TCF12: variants seen among roughly 807,000 people sequenced by gnomAD.
TCF12 encodes transcription factor 12.
Under a neutral mutation model 86.0 loss-of-function variants are expected in TCF12, and 45 were observed. The observed-to-expected ratio is 0.52, with a 90% CI of 0.41 to 0.67. TCF12 has a LOEUF of 0.67. Ranked by LOEUF, TCF12 falls within the 30% of genes least tolerant of loss-of-function variation. The pLI is 0.00. For missense variants in TCF12, 881 were observed against 859.9 expected (o/e 1.02, Z -0.31); for synonymous variants, 330 against 299.6 (o/e 1.10, Z -1.05).
chr15:57,075,320 A>C (rs1247454494), intron 4 of TCF12, among the ~76,000 whole-genome samples: 2 of 151,924 alleles, frequency 1.3e-5, no homozygotes, highest in African/African-American at 2.4e-5. Context: ...TTTCTTCCCT[A>C]CTTCGAGTTT....
chr15:57,135,574 T>G (rs1240389656), intron 5 of TCF12, among the ~76,000 whole-genome samples: 1 of 152,218 alleles, frequency 6.6e-6, no homozygotes, highest in Non-Finnish European at 1.5e-5. Context: ...ATTATTTTAG[T>G]AATGCTTATT....
intron 3 of TCF12, among the ~76,000 whole-genome samples, chr15:57,011,819 C>A (rs774084411): frequency 6.6e-6 from 1 of 152,232 alleles, no homozygotes; most frequent in African/African-American, 2.4e-5. Context: ...AGTCTGTGGG[C>A]AGACTTTCCA....
intron 8 of TCF12, among the ~76,000 whole-genome samples, chr15:57,198,871 G>A (rs1168715428): frequency 6.6e-6 from 1 of 152,184 alleles, no homozygotes; most frequent in African/African-American, 2.4e-5. Context: ...ATGGGTCTGA[G>A]CTTTTTAGTT....
At chr15:57,092,086 AT>A (rs2049027884) in intron 5 of TCF12, 195 bp downstream of exon 5, 1 of 437,538 alleles carries the variant, frequency 2.3e-6, no homozygotes, top group Non-Finnish European at 4.1e-6. Context: ...CTCTTAAAGC[AT>A]TATTGTTTTG....
At chr15:57,247,504 T>C in intron 13 of TCF12, 1 of 820,394 alleles carries the variant, frequency 1.2e-6, no homozygotes, top group South Asian at 1.3e-5. Context: ...GAACAACAAT[T>C]TTATCAACTG....
At chr15:57,264,260 G>C (rs1465310273) in intron 18 of TCF12, among the ~76,000 whole-genome samples, 1 of 112,222 alleles carries the variant, frequency 8.9e-6, no homozygotes, top group African/African-American at 3.4e-5. Context: ...GAATGCAGTG[G>C]CATCATCTCG....
intron 5 of TCF12, among the ~76,000 whole-genome samples, chr15:57,158,146 A>G (rs987452161): frequency 6.6e-6 from 1 of 151,474 alleles, no homozygotes; most frequent in Admixed American, 6.6e-5. Context: ...TTTGCATCCT[A>G]GAATACTTCA....
At chr15:57,099,363 T>A (rs1349589666) in intron 5 of TCF12, among the ~76,000 whole-genome samples, 1 of 152,172 alleles carries the variant, frequency 6.6e-6, no homozygotes, top group Non-Finnish European at 1.5e-5. Context: ...AGATCCCTCT[T>A]ATCTATGGGT....
At chr15:57,152,856 CCACA>C (rs137874145) in intron 5 of TCF12, among the ~76,000 whole-genome samples, 1 of 150,118 alleles carries the variant, frequency 6.7e-6, no homozygotes, top group Non-Finnish European at 1.5e-5. Flanking sequence ...GAACTCCCCT[CCACA>C]CACACACACA....
At chr15:57,009,058 A>C (rs1256961395) in intron 3 of TCF12, among the ~76,000 whole-genome samples, 1 of 152,194 alleles carries the variant, frequency 6.6e-6, no homozygotes, top group African/African-American at 2.4e-5. Context: ...TTGAAGTTAA[A>C]GTCCCAGTCA....
rs2069628533 is a variant in TCF12, at chr15:57,073,822, C to T, written c.222+9999C>T. Among the ~76,000 whole-genome samples, 6 of 152,108 alleles carry T rather than the reference C, an allele frequency of 3.9e-5. 1 individual carries two copies. In the South Asian group the frequency reaches 1.0e-3, roughly 26 times the overall value. On this transcript the variant is annotated intron_variant, in intron 4 of 20. Coordinates refer to ENST00000333725, the MANE Select transcript of TCF12 (RefSeq NM_207037.2). ...GGAGTACGGTGGCGCAATCTTGGCT[C>T]ACTGCAAGCTCTGCCTCCTGGGTTC...
chr15:57,081,349 T>C (rs2070636272), intron 4 of TCF12, among the ~76,000 whole-genome samples: 1 of 152,136 alleles, frequency 6.6e-6, no homozygotes. Flanking sequence ...CAAATCCCCA[T>C]CCTACTATTT....
intron 8 of TCF12, among the ~76,000 whole-genome samples, chr15:57,202,141 A>G (rs2057572221): frequency 6.6e-6 from 1 of 152,092 alleles, no homozygotes; most frequent in Non-Finnish European, 1.5e-5. Flanking sequence ...GAAAATTAAG[A>G]CTCAAAGACA....
intron 3 of TCF12, among the ~76,000 whole-genome samples, chr15:56,986,813 C>T (rs1378155070): frequency 6.6e-6 from 1 of 152,032 alleles, no homozygotes; most frequent in African/African-American, 2.4e-5. Context: ...TGTTGTTAAC[C>T]TATAAAATAG....
intron 8 of TCF12, among the ~76,000 whole-genome samples, chr15:57,198,077 G>T (rs1271387438): frequency 6.6e-6 from 1 of 152,180 alleles, no homozygotes; most frequent in Non-Finnish European, 1.5e-5. Context: ...CCCCTCTTGG[G>T]AAGAGGACTA....
chr15:57,075,309 C>T (rs1206954430), intron 4 of TCF12, among the ~76,000 whole-genome samples: 1 of 152,154 alleles, frequency 6.6e-6, no homozygotes, highest in East Asian at 1.9e-4. Context: ...TCCTCAGTAT[C>T]TTTCTTCCCT....
chr15:57,283,231 T>C (rs1380976428), intron 20 of TCF12, among the ~76,000 whole-genome samples: 1 of 152,098 alleles, frequency 6.6e-6, no homozygotes, highest in Non-Finnish European at 1.5e-5. Flanking sequence ...TTCCTTTTCA[T>C]GGACTAAACA....
At chr15:57,023,989 C>T (rs1290471437) in intron 3 of TCF12, among the ~76,000 whole-genome samples, 5 of 152,228 alleles carry the variant, frequency 3.3e-5, no homozygotes. Flanking sequence ...ACTGATCTGA[C>T]AGGAGGTGGA....
At chr15:57,232,904 A>T in intron 11 of TCF12, 48 bp downstream of exon 11, 2 of 1,425,820 alleles carry the variant, frequency 1.4e-6, no homozygotes, top group Non-Finnish European at 1.9e-6. Context: ...GTGGACTTTC[A>T]GTGACCCCGA....
Sources: gnomAD v4.1 joint callset for allele counts (sites outside exome capture counted in the v4.1 genomes callset) on GRCh38, gnomAD v4.1.1 for gene constraint, MANE v1.5 for transcripts, NCBI Gene and HGNC (gene_info 2026-07-23, HGNC 2026-07-21) for gene names.